Variants in BICC1 observed in about 807,000 individuals in gnomAD.
BICC1 encodes the protein BicC family RNA binding protein 1.
In BICC1, 43 loss-of-function variants were observed where a neutral mutation model predicts 111.0. The observed-to-expected ratio is 0.39, with a 90% CI of 0.30 to 0.50. BICC1 has a LOEUF of 0.50. Ranked by LOEUF, BICC1 falls within the 20% of genes least tolerant of loss-of-function variation. The pLI is 0.88. For missense variants in BICC1, 1,091 were observed against 1,203.2 expected, an observed-to-expected ratio of 0.91 and a Z score of 1.38; for synonymous variants, 467 against 434.4, an observed-to-expected ratio of 1.07 and a Z score of -0.93.
At chr10:58,741,660 A>G (rs1841670212) in intron 3 of BICC1, among the ~76,000 whole-genome samples, 1 of 152,186 alleles carries the variant, frequency 6.6e-6, no homozygotes, top group African/African-American at 2.4e-5. Flanking sequence ...TCTTTGCATT[A>G]CAAACGGGAA....
Position 58,599,929 on chromosome 10 carries a change from G to GGTGTGTGT in BICC1, c.191-20907_191-20900dup, listed in dbSNP as rs59937252. Among the ~76,000 whole-genome samples, 468 of 149,870 alleles carry GGTGTGTGT rather than the reference G, an allele frequency of 3.1e-3. 1 individual carries two copies. Among genetic ancestry groups the GGTGTGTGT allele is most frequent in the East Asian group, 9.9e-3 (50 of 5,050 alleles). On this transcript the variant is annotated intron_variant, in intron 1 of 20. Transcript: ENST00000373886. ...TCTTTCACAAAATCTAACTAAAGAG[G>GGTGTGTGT]GTGTGTGTGTGTGTGTGTGTGTGTG...
chr10:58,756,928 A>G (rs992656081), intron 3 of BICC1, among the ~76,000 whole-genome samples: 3 of 152,158 alleles, frequency 2.0e-5, no homozygotes, highest in Non-Finnish European at 4.4e-5. Flanking sequence ...CAGCAATATC[A>G]TAGACTTTGA....
intron 3 of BICC1, among the ~76,000 whole-genome samples, chr10:58,776,905 T>C (rs1589128513): frequency 6.6e-6 from 1 of 152,248 alleles, no homozygotes; most frequent in East Asian, 1.9e-4. Context: ...GGCTTTTTGT[T>C]TCTTTCTTTT....
intron 20 of BICC1, among the ~76,000 whole-genome samples, chr10:58,824,890 A>G (rs1044882026): frequency 3.3e-5 from 5 of 152,176 alleles, no homozygotes; most frequent in African/African-American, 9.7e-5. Flanking sequence ...AATGAGTTAC[A>G]TCAGTGATTT....
chr10:58,758,546 C>T (rs1198801034), intron 3 of BICC1, among the ~76,000 whole-genome samples: 1 of 152,220 alleles, frequency 6.6e-6, no homozygotes, highest in Non-Finnish European at 1.5e-5. Flanking sequence ...CACTGTTCTT[C>T]TTGTCCCTGC....
chr10:58,623,276 T>C (rs1845883428), intron 2 of BICC1, among the ~76,000 whole-genome samples: 1 of 152,218 alleles, frequency 6.6e-6, no homozygotes, highest in Admixed American at 6.5e-5. Context: ...AGAATTGGTA[T>C]ATTTCCATAA....
At chr10:58,531,330 C>T (rs2131853917) in intron 1 of BICC1, among the ~76,000 whole-genome samples, 1 of 151,844 alleles carries the variant, frequency 6.6e-6, no homozygotes, top group South Asian at 2.1e-4. Flanking sequence ...AAAAAGAAAC[C>T]AGAAAACTTT....
chr10:58,658,508 T>C (rs1838734897), intron 2 of BICC1, among the ~76,000 whole-genome samples: 1 of 152,092 alleles, frequency 6.6e-6, no homozygotes, highest in Non-Finnish European at 1.5e-5. Flanking sequence ...TAAATGTAGA[T>C]TACCACTATG....
At chr10:58,796,880 GAT>G (rs1001146056) in intron 10 of BICC1, among the ~76,000 whole-genome samples, 1 of 149,166 alleles carries the variant, frequency 6.7e-6, no homozygotes, top group African/African-American at 2.5e-5. Context: ...AGTCCCTAGA[GAT>G]AAAGATTATC....
intron 9 of BICC1, among the ~76,000 whole-genome samples, chr10:58,794,165 TTGTGTGTGTGTGTG>T (rs71006206): frequency 3.7e-4 from 51 of 138,296 alleles, no homozygotes; most frequent in East Asian, 8.7e-4. Context: ...CTTACATGTT[TTGTGTGTGTGTGTG>T]TGTGTGTGTG....
At chr10:58,615,390 C>T (rs776555134) in intron 1 of BICC1, among the ~76,000 whole-genome samples, 7 of 152,128 alleles carry the variant, frequency 4.6e-5, no homozygotes, top group Non-Finnish European at 8.8e-5. Context: ...CATGACCCAG[C>T]GAGTTTGGAG....
chr10:58,684,837 G>T (rs1564552175), intron 2 of BICC1, among the ~76,000 whole-genome samples: 2 of 152,070 alleles, frequency 1.3e-5, no homozygotes, highest in African/African-American at 4.8e-5. Flanking sequence ...TGAATTCATT[G>T]ACTTTTTGAA....
At chr10:58,566,700 C>T (rs1157299713) in intron 1 of BICC1, among the ~76,000 whole-genome samples, 1 of 152,056 alleles carries the variant, frequency 6.6e-6, no homozygotes, top group Non-Finnish European at 1.5e-5. Context: ...GCCATTTTTG[C>T]AGGAGTAAGG....
At chr10:58,532,562 G>A (rs1842708978) in intron 1 of BICC1, among the ~76,000 whole-genome samples, 1 of 151,816 alleles carries the variant, frequency 6.6e-6, no homozygotes, top group Non-Finnish European at 1.5e-5. Flanking sequence ...ATTTTAAGAA[G>A]GGACGAGATG....
chr10:58,783,266 G>T (rs1174195962), intron 3 of BICC1, among the ~76,000 whole-genome samples: 1 of 152,158 alleles, frequency 6.6e-6, no homozygotes, highest in Non-Finnish European at 1.5e-5. Flanking sequence ...TCCCCAGGAG[G>T]CCAGAGGCAT....
intron 1 of BICC1, among the ~76,000 whole-genome samples, chr10:58,538,369 G>T (rs1460701908): frequency 6.6e-6 from 1 of 151,850 alleles, no homozygotes; most frequent in Non-Finnish European, 1.5e-5. Context: ...AACATAAATT[G>T]GGGAAAGGAC....
chr10:58,630,700 C>T (rs1262906174), intron 2 of BICC1, among the ~76,000 whole-genome samples: 1 of 152,136 alleles, frequency 6.6e-6, no homozygotes, highest in Non-Finnish European at 1.5e-5. Context: ...GCATAAAAGA[C>T]ATTCAGTTAA....
intron 17 of BICC1, among the ~76,000 whole-genome samples, 173 bp from the exon 18 acceptor site, chr10:58,813,657 G>A (rs1415175155): frequency 6.6e-6 from 1 of 152,152 alleles, no homozygotes; most frequent in Non-Finnish European, 1.5e-5. Flanking sequence ...GGTGCTGCAG[G>A]GCAAAGGCTG....
intron 18 of BICC1, among the ~76,000 whole-genome samples, chr10:58,815,474 A>C (rs541774576): frequency 6.6e-6 from 1 of 152,040 alleles, no homozygotes; most frequent in Non-Finnish European, 1.5e-5. Flanking sequence ...CCCAAGATAC[A>C]TTCATTTGGT....
Sources: allele counts gnomAD v4.1 joint callset (sites outside exome capture counted in the v4.1 genomes callset), GRCh38; gene constraint gnomAD v4.1.1; transcripts MANE v1.5; gene names NCBI Gene and HGNC (gene_info 2026-07-23, HGNC 2026-07-21).